Variants in ZMAT4 observed in about 807,000 individuals in gnomAD.
The protein encoded by ZMAT4 is zinc finger matrin-type 4, also known as zinc finger matrin-type protein 4.
A neutral mutation model predicts 28.7 loss-of-function variants in ZMAT4; 17 were observed. The ratio of observed to expected loss-of-function variants is 0.59; its 90% CI spans 0.41 to 0.89. ZMAT4 has a LOEUF of 0.89. ZMAT4 is among the 40% of genes least tolerant of loss of function. The pLI, the probability that ZMAT4 is intolerant of heterozygous loss-of-function variation, is 0.00. For missense variants in ZMAT4, 240 were observed against 283.8 expected (o/e 0.85, Z 1.11); for synonymous variants, 117 against 109.2 (o/e 1.07, Z -0.44).
At chr8:40,670,084 A>G (rs893360195) in intron 5 of ZMAT4, among the ~76,000 whole-genome samples, 6 of 152,216 alleles carry the variant, frequency 3.9e-5, no homozygotes, top group Non-Finnish European at 7.3e-5. Context: ...AGGATTTAGA[A>G]CAGCCAAATA....
intron 2 of ZMAT4, among the ~76,000 whole-genome samples, chr8:40,820,482 GTATGTGTGTA>G (rs1250401656): frequency 3.5e-4 from 53 of 151,106 alleles, no homozygotes; most frequent in African/African-American, 1.3e-3. Flanking sequence ...GTGTTTATGT[GTATGTGTGTA>G]TATGTGTGTA....
chr8:40,568,703 T>C (rs1804000803), intron 6 of ZMAT4, among the ~76,000 whole-genome samples: 1 of 152,142 alleles, frequency 6.6e-6, no homozygotes, highest in Non-Finnish European at 1.5e-5. Context: ...ATTTCACAGA[T>C]ATGGAAACTA....
At chr8:40,824,732 GA>G (rs376367926) in intron 2 of ZMAT4, among the ~76,000 whole-genome samples, 4 of 127,244 alleles carry the variant, frequency 3.1e-5, no homozygotes, top group African/African-American at 1.2e-4. Context: ...AAGAAAGAAA[GA>G]AGAAAGAAAG....
chr8:40,785,407 T>C (rs1814029429), intron 2 of ZMAT4, among the ~76,000 whole-genome samples: 5 of 152,244 alleles, frequency 3.3e-5, no homozygotes, highest in African/African-American at 9.6e-5. Flanking sequence ...TTAGATCTTC[T>C]ATATTCTAAC....
chr8:40,750,149 A>G (rs375675056), intron 3 of ZMAT4, among the ~76,000 whole-genome samples: 1 of 152,286 alleles, frequency 6.6e-6, no homozygotes, highest in East Asian at 1.9e-4. Flanking sequence ...ATGAAGTTAT[A>G]AATGTATCTT....
At chr8:40,658,673 A>T (rs1401872611) in intron 5 of ZMAT4, among the ~76,000 whole-genome samples, 1 of 146,352 alleles carries the variant, frequency 6.8e-6, no homozygotes, top group Non-Finnish European at 1.5e-5. Context: ...CAAACACAAA[A>T]CTCTGATTTT....
chr8:40,806,318 TC>T (rs1815083567), intron 2 of ZMAT4, among the ~76,000 whole-genome samples: 1 of 152,218 alleles, frequency 6.6e-6, no homozygotes, highest in Non-Finnish European at 1.5e-5. Flanking sequence ...TGTTTCTTTC[TC>T]TTTTTCTTTC....
At chr8:40,745,751 T>C (rs546501659) in intron 3 of ZMAT4, among the ~76,000 whole-genome samples, 1 of 152,336 alleles carries the variant, frequency 6.6e-6, no homozygotes, top group South Asian at 2.1e-4. Flanking sequence ...CGCCTATCTC[T>C]AAGATCATCA....
At chr8:40,846,710 G>A (rs1338725967) in intron 1 of ZMAT4, among the ~76,000 whole-genome samples, 1 of 152,154 alleles carries the variant, frequency 6.6e-6, no homozygotes, top group Non-Finnish European at 1.5e-5. Context: ...CAAAGAGTGG[G>A]GACTTGGCAG....
intron 1 of ZMAT4, among the ~76,000 whole-genome samples, chr8:40,878,189 C>T (rs1277530819): frequency 6.6e-6 from 1 of 152,138 alleles, no homozygotes; most frequent in East Asian, 1.9e-4. Context: ...TCATGAAAGC[C>T]AGTATCATTG....
chr8:40,612,811 G>GTTTTTTTT (rs57134245), intron 5 of ZMAT4, among the ~76,000 whole-genome samples: 8 of 86,228 alleles, frequency 9.3e-5, no homozygotes, highest in African/African-American at 1.7e-4. Context: ...TTTGGTTTTT[G>GTTTTTTTT]TTTTTTTTTT....
At position 40,856,234 on chromosome 8, in the gene ZMAT4, G is replaced by A. The variant is rs564504972; in HGVS notation, c.-4-30554C>T. 5.9e-5 allele frequency among the ~76,000 whole-genome samples: 9 copies of A among 152,264 alleles called. No individual in the cohort carries two copies. The South Asian group carries it at 8.3e-4, about 14-fold the overall frequency. Reference sequence around the variant, plus strand: ...GGGAACCATTAGGAAAGATGTGAGCGCCAAAGGAATTTAGAGATACTAAGT... The same window carrying A: ...GGGAACCATTAGGAAAGATGTGAGCACCAAAGGAATTTAGAGATACTAAGT... On this transcript the variant is annotated intron_variant, in intron 1 of 6. Transcript: ENST00000297737.
intron 3 of ZMAT4, among the ~76,000 whole-genome samples, chr8:40,761,435 C>A (rs1812932653): frequency 6.6e-6 from 1 of 152,124 alleles, no homozygotes; most frequent in East Asian, 1.9e-4. Flanking sequence ...CCACCAAGAA[C>A]AGGCGCCCCG....
rs1396297894 is a variant in ZMAT4, at chr8:40,825,601, C to T, written c.76G>A (p.Glu26Lys). 2.6e-6 allele frequency: 4 copies of T among 1,553,618 alleles called. No homozygotes were observed. The highest frequency in any genetic ancestry group is 1.7e-6 in the Non-Finnish European group (2 of 1,147,744). Residue 26 changes from glutamate to lysine, a missense_variant, in exon 2 of 7, where the codon GAA (glutamate) becomes AAA (lysine). Coordinates refer to ENST00000297737, the MANE Select transcript of ZMAT4 (RefSeq NM_024645.3). ...CKVCSAQLIS[E>K]SQRVAHYESR... is the part of the protein sequence containing the mutation. The stretch of plus-strand genomic sequence containing the variant: ...TCGTAGTGGGCCACACGCTGCGATT[C>T]GGAGATCAGCTGTGCACTGCACACC...
chr8:40,553,616 C>T (rs1035202682), intron 6 of ZMAT4, among the ~76,000 whole-genome samples: 1 of 152,142 alleles, frequency 6.6e-6, no homozygotes, highest in Non-Finnish European at 1.5e-5. Flanking sequence ...GATATCATTT[C>T]ATCCTTACAA....
At chr8:40,768,892 C>G (rs1023059353) in intron 2 of ZMAT4, among the ~76,000 whole-genome samples, 1 of 152,146 alleles carries the variant, frequency 6.6e-6, no homozygotes, top group Non-Finnish European at 1.5e-5. Flanking sequence ...ACAGTTGCAT[C>G]CTAGCCCATC....
intron 5 of ZMAT4, among the ~76,000 whole-genome samples, chr8:40,674,036 AC>A (rs2150472455): frequency 6.6e-6 from 1 of 150,614 alleles, no homozygotes; most frequent in African/African-American, 2.4e-5. Context: ...TTATAAAAGC[AC>A]AAAAGTTTAA....
chr8:40,661,605 G>T (rs1411901751), intron 5 of ZMAT4, among the ~76,000 whole-genome samples: 2 of 152,188 alleles, frequency 1.3e-5, no homozygotes, highest in Non-Finnish European at 2.9e-5. Context: ...TGGAGTTAAA[G>T]TTATAATTTT....
chr8:40,841,370 C>A (rs138152070), intron 1 of ZMAT4, among the ~76,000 whole-genome samples: 14 of 152,312 alleles, frequency 9.2e-5, no homozygotes, highest in South Asian at 2.1e-4. Flanking sequence ...CCAATCCCAG[C>A]CACTCCAGAG....
Sources: allele counts gnomAD v4.1 joint callset (sites outside exome capture counted in the v4.1 genomes callset), GRCh38; gene constraint gnomAD v4.1.1; transcripts MANE v1.5; gene names NCBI Gene and HGNC (gene_info 2026-07-23, HGNC 2026-07-21).